Variants in SGCZ observed in about 807,000 individuals in gnomAD.
SGCZ encodes sarcoglycan zeta, also known as zeta-sarcoglycan.
SGCZ carries 40 observed loss-of-function variants against 41.3 expected under a neutral mutation model. The ratio of observed to expected loss-of-function variants is 0.97; its 90% CI spans 0.75 to 1.26. The LOEUF (loss-of-function observed/expected upper bound fraction) is 1.26, where lower values mean the gene tolerates loss of function less well. Ranked by LOEUF, SGCZ falls within the 50% of genes most tolerant of loss-of-function variation. The probability of loss-of-function intolerance (pLI) is 0.00; values close to 1 mark genes in which losing one functional copy is unlikely to be tolerated. For missense variants in SGCZ, 552 were observed against 369.8 expected, an observed-to-expected ratio of 1.49 and a Z score of -4.04; for synonymous variants, 206 against 137.5, an observed-to-expected ratio of 1.50 and a Z score of -3.49.
chr8:14,538,761 G>A (rs1357641744), intron 2 of SGCZ, among the ~76,000 whole-genome samples: 4 of 151,880 alleles, frequency 2.6e-5, no homozygotes, highest in African/African-American at 7.2e-5. Context: ...GGTTGTAAAA[G>A]ATGCTATATG....
chr8:14,609,912 C>G (rs921927494), intron 1 of SGCZ, among the ~76,000 whole-genome samples: 4 of 152,176 alleles, frequency 2.6e-5, no homozygotes, highest in African/African-American at 9.6e-5. Context: ...TTTGAGCACC[C>G]TAATTTGTTT....
rs1283880783 is a variant in SGCZ at position 14,271,104 on chromosome 8, G to A, written c.337-33425C>T. On this transcript the variant is annotated intron_variant, in intron 3 of 7. Coordinates refer to ENST00000382080, the MANE Select transcript of SGCZ (RefSeq NM_139167.4). Reference sequence around the variant, plus strand: ...GGAGATATACCTAATGTTAAATGATGAGTTAATGGGTGCCGCACACCAATA... The same window carrying A: ...GGAGATATACCTAATGTTAAATGATAAGTTAATGGGTGCCGCACACCAATA... 2.0e-5 allele frequency among the ~76,000 whole-genome samples: 3 copies of A among 152,140 alleles called. No homozygotes were observed. In the East Asian group the frequency reaches 5.8e-4, roughly 29 times the overall value.
chr8:14,694,394 T>C (rs1219745427), intron 1 of SGCZ, among the ~76,000 whole-genome samples: 1 of 152,228 alleles, frequency 6.6e-6, no homozygotes, highest in Non-Finnish European at 1.5e-5. Context: ...TGCCATCAAT[T>C]CTAATTGGAA....
intron 1 of SGCZ, among the ~76,000 whole-genome samples, chr8:14,624,863 A>G (rs1023496835): frequency 6.6e-6 from 1 of 151,796 alleles, no homozygotes; most frequent in South Asian, 2.1e-4. Context: ...GAGCCACCAC[A>G]CCGGGCTATC....
chr8:14,348,741 A>G (rs929795396), intron 2 of SGCZ, among the ~76,000 whole-genome samples: 1 of 152,170 alleles, frequency 6.6e-6, no homozygotes, highest in Admixed American at 6.6e-5. Context: ...AACATAATCT[A>G]TATTCTCAAG....
At chr8:14,232,928 C>T (rs1806623421) in intron 4 of SGCZ, among the ~76,000 whole-genome samples, 1 of 151,996 alleles carries the variant, frequency 6.6e-6, no homozygotes, top group African/African-American at 2.4e-5. Context: ...TTTTTTAATA[C>T]CCAATTCACC....
At chr8:14,490,644 T>C (rs1294366173) in intron 2 of SGCZ, among the ~76,000 whole-genome samples, 5 of 152,206 alleles carry the variant, frequency 3.3e-5, no homozygotes, top group Admixed American at 2.6e-4. Context: ...CAATCATTTA[T>C]TGAGTGTCCA....
intron 1 of SGCZ, among the ~76,000 whole-genome samples, chr8:14,853,278 G>A (rs1397200591): frequency 1.3e-5 from 2 of 152,072 alleles, no homozygotes; most frequent in Non-Finnish European, 2.9e-5. Flanking sequence ...AAACAACTAG[G>A]TATTTTATGA....
At chr8:14,104,556 G>T (rs1420224904) in intron 6 of SGCZ, among the ~76,000 whole-genome samples, 1 of 152,002 alleles carries the variant, frequency 6.6e-6, no homozygotes, top group Non-Finnish European at 1.5e-5. Flanking sequence ...TAAGCATCAG[G>T]AGAAACAGAA....
chr8:14,609,336 G>T (rs4831615), intron 1 of SGCZ, among the ~76,000 whole-genome samples: 37,220 of 151,862 alleles, frequency 0.25, 4,631 homozygotes, highest in Non-Finnish European at 0.26. Context: ...TTTCTCTGTG[G>T]AAAATTACCT....
intron 1 of SGCZ, among the ~76,000 whole-genome samples, chr8:14,580,174 A>T (rs950850280): frequency 6.6e-6 from 1 of 152,196 alleles, no homozygotes; most frequent in Non-Finnish European, 1.5e-5. Flanking sequence ...GAAAAGGCAA[A>T]TGCAGCCTAA....
intron 5 of SGCZ, among the ~76,000 whole-genome samples, chr8:14,113,572 T>C (rs13257715): frequency 0.35 from 52,532 of 151,798 alleles, 11,513 homozygotes; most frequent in Non-Finnish European, 0.49. Flanking sequence ...CTAGTTTGAT[T>C]AATGGTAAAA....
At chr8:14,575,156 T>C (rs1325921104) in intron 1 of SGCZ, among the ~76,000 whole-genome samples, 1 of 152,194 alleles carries the variant, frequency 6.6e-6, no homozygotes, top group Non-Finnish European at 1.5e-5. Flanking sequence ...GAATAAATAA[T>C]TTTGGGAAAA....
intron 1 of SGCZ, among the ~76,000 whole-genome samples, chr8:14,975,376 G>A (rs1277232031): frequency 1.3e-5 from 2 of 152,106 alleles, no homozygotes; most frequent in African/African-American, 2.4e-5. Context: ...GCGTTCCATC[G>A]AAGCACAATG....
At chr8:15,155,267 C>A (rs1281360203) in intron 1 of SGCZ, among the ~76,000 whole-genome samples, 1 of 152,042 alleles carries the variant, frequency 6.6e-6, no homozygotes, top group African/African-American at 2.4e-5. Context: ...TGCACTCCAG[C>A]CTGGGTGACA....
At chr8:14,137,625 G>C (rs780733192) in intron 5 of SGCZ, among the ~76,000 whole-genome samples, 13 of 152,082 alleles carry the variant, frequency 8.5e-5, no homozygotes, top group Non-Finnish European at 1.8e-4. Context: ...GAGAAGTTTA[G>C]AGAAAAAAAG....
chr8:15,134,723 T>C (rs567750864), intron 1 of SGCZ, among the ~76,000 whole-genome samples: 2 of 152,272 alleles, frequency 1.3e-5, no homozygotes, highest in East Asian at 3.9e-4. Flanking sequence ...CACACTTGTG[T>C]TTGACAAAAT....
intron 1 of SGCZ, among the ~76,000 whole-genome samples, chr8:15,015,031 C>G: frequency 6.6e-6 from 1 of 151,778 alleles, no homozygotes; most frequent in East Asian, 2.0e-4. Context: ...CACTTGAGGT[C>G]AGGAGTTCAA....
At chr8:14,347,341 A>C (rs1326726602) in intron 2 of SGCZ, among the ~76,000 whole-genome samples, 1 of 152,160 alleles carries the variant, frequency 6.6e-6, no homozygotes, top group East Asian at 1.9e-4. Context: ...CATGAATTCT[A>C]CTTCTTAAAT....
Sources: gnomAD v4.1 joint callset for allele counts (sites outside exome capture counted in the v4.1 genomes callset) on GRCh38, gnomAD v4.1.1 for gene constraint, MANE v1.5 for transcripts, NCBI Gene and HGNC (gene_info 2026-07-23, HGNC 2026-07-21) for gene names.